Variants in LTBP1 observed in about 807,000 individuals in gnomAD.
LTBP1 encodes the protein latent-transforming growth factor beta-binding protein 1.
LTBP1 carries 129 observed loss-of-function variants against 207.6 expected under a neutral mutation model. The observed-to-expected ratio is 0.62, with a 90% CI of 0.54 to 0.72. The LOEUF (loss-of-function observed/expected upper bound fraction) is 0.72, where lower values mean the gene tolerates loss of function less well. Among genes scored for constraint, LTBP1 ranks in the 30% least tolerant of loss-of-function variants. LTBP1 has a pLI of 0.00. For synonymous variants in LTBP1, 963 were observed against 833.7 expected (o/e 1.16, Z -2.67); for missense variants, 2,281 against 2,217.2 (o/e 1.03, Z -0.58).
At chr2:32,993,205 T>A (rs1386845221) in intron 2 of LTBP1, among the ~76,000 whole-genome samples, 2 of 151,792 alleles carry the variant, frequency 1.3e-5, no homozygotes, top group Non-Finnish European at 2.9e-5. Context: ...GGGTCCTTGA[T>A]CATGTAGAGC....
intron 2 of LTBP1, among the ~76,000 whole-genome samples, chr2:32,964,839 G>A (rs912681032): frequency 6.6e-6 from 1 of 151,830 alleles, no homozygotes; most frequent in African/African-American, 2.4e-5. Flanking sequence ...TCAAGAGCTC[G>A]AGATCATCTG....
chr2:33,250,240 A>T (rs1251278177), intron 10 of LTBP1, among the ~76,000 whole-genome samples: 1 of 152,252 alleles, frequency 6.6e-6, no homozygotes, highest in Non-Finnish European at 1.5e-5. Flanking sequence ...CCTGTCAGGT[A>T]TATGTGGCAT....
intron 15 of LTBP1, among the ~76,000 whole-genome samples, chr2:33,270,826 A>C (rs2093304383): frequency 2.0e-5 from 3 of 152,204 alleles, no homozygotes; most frequent in Non-Finnish European, 4.4e-5. Flanking sequence ...AGACATGTTC[A>C]GCGTTTGCAA....
At chr2:33,369,572 T>G (rs1424548585) in intron 31 of LTBP1, among the ~76,000 whole-genome samples, 1 of 150,964 alleles carries the variant, frequency 6.6e-6, no homozygotes, top group African/African-American at 2.4e-5. Context: ...ACTTTTTTTA[T>G]TTTTTGACAG....
intron 2 of LTBP1, 123 bp downstream of exon 2, chr2:32,949,068 C>A (rs964766838): frequency 1.3e-5 from 12 of 908,844 alleles, no homozygotes; most frequent in African/African-American, 3.3e-5. Flanking sequence ...GAAATACAAT[C>A]CACCCAGGCT....
At chr2:33,019,042 G>A (rs747632424) in intron 2 of LTBP1, among the ~76,000 whole-genome samples, 2 of 152,180 alleles carry the variant, frequency 1.3e-5, no homozygotes, top group Admixed American at 6.5e-5. Flanking sequence ...AATAGGTTTT[G>A]AGGCTTTTAG....
At chr2:33,057,484 C>G (rs1043895680) in intron 3 of LTBP1, among the ~76,000 whole-genome samples, 5 of 152,220 alleles carry the variant, frequency 3.3e-5, no homozygotes, top group African/African-American at 1.2e-4. Context: ...GGGGGCAGCT[C>G]TCATCGGGGA....
intron 15 of LTBP1, among the ~76,000 whole-genome samples, chr2:33,268,080 C>T (rs2093227707): frequency 6.6e-6 from 1 of 152,110 alleles, no homozygotes; most frequent in Non-Finnish European, 1.5e-5. Flanking sequence ...TGAAAGAATC[C>T]ATAGGGGGAA....
intron 5 of LTBP1, among the ~76,000 whole-genome samples, chr2:33,184,660 A>G (rs1040666938): frequency 6.6e-6 from 1 of 151,994 alleles, no homozygotes; most frequent in Admixed American, 6.6e-5. Context: ...TGTGTTATTT[A>G]ATTTCTCCAT....
rs544988034 is a variant in LTBP1, at chr2:33,103,519, C to G, written c.864-7063C>G. On this transcript the variant is annotated intron_variant, in intron 3 of 33. Coordinates refer to ENST00000404816, the MANE Select transcript of LTBP1 (RefSeq NM_206943.4). Reference sequence around the variant, plus strand: ...ATCAGCAGCCTGTTACCTCCTAATTCTGTTTTGGTCTGATAGGTAATTCCA... The same window carrying G: ...ATCAGCAGCCTGTTACCTCCTAATTGTGTTTTGGTCTGATAGGTAATTCCA... Among the ~76,000 whole-genome samples the G allele has an allele frequency of 5.9e-5, 9 of 151,678 alleles. No individual in the cohort carries two copies. The South Asian group carries it at 1.9e-3, about 32-fold the overall frequency.
intron 19 of LTBP1, among the ~76,000 whole-genome samples, chr2:33,284,883 A>C (rs1558945938): frequency 6.6e-6 from 1 of 152,146 alleles, no homozygotes; most frequent in Non-Finnish European, 1.5e-5. Context: ...AGCAATATGA[A>C]GCACCTAGTA....
At chr2:33,089,834 C>A (rs1373124519) in intron 3 of LTBP1, among the ~76,000 whole-genome samples, 1 of 152,054 alleles carries the variant, frequency 6.6e-6, no homozygotes, top group East Asian at 1.9e-4. Context: ...AAAAAGATAA[C>A]ATTTGCTTTT....
chr2:33,240,645 CTTTTT>C (rs869193074), intron 9 of LTBP1, among the ~76,000 whole-genome samples: 5 of 100,818 alleles, frequency 5.0e-5, no homozygotes, highest in East Asian at 2.7e-4. Context: ...TGGAAACATT[CTTTTT>C]TTTTTTTTTT....
intron 3 of LTBP1, among the ~76,000 whole-genome samples, chr2:33,054,396 G>A (rs2076888574): frequency 6.6e-6 from 1 of 152,108 alleles, no homozygotes; most frequent in Non-Finnish European, 1.5e-5. Flanking sequence ...ATTTGGACTG[G>A]GCGGGCATTT....
At chr2:33,132,226 C>T (rs2081854724) in intron 4 of LTBP1, among the ~76,000 whole-genome samples, 2 of 152,066 alleles carry the variant, frequency 1.3e-5, no homozygotes, top group African/African-American at 2.4e-5. Context: ...AAGCATTTTC[C>T]GACAACTTAG....
At chr2:33,005,168 T>A (rs903391442) in intron 2 of LTBP1, among the ~76,000 whole-genome samples, 1 of 152,176 alleles carries the variant, frequency 6.6e-6, no homozygotes, top group Non-Finnish European at 1.5e-5. Flanking sequence ...TCCTGCAAGA[T>A]GACAAAATAC....
At chr2:33,297,469 T>C (rs1462895033) in intron 20 of LTBP1, among the ~76,000 whole-genome samples, 1 of 151,880 alleles carries the variant, frequency 6.6e-6, no homozygotes, top group African/African-American at 2.4e-5. Flanking sequence ...TCTCGCTTTG[T>C]CGCCCAGGCT....
intron 13 of LTBP1, 30 bp from the exon 14 acceptor site, chr2:33,262,692 C>A: frequency 9.2e-7 from 1 of 1,091,604 alleles, no homozygotes. Context: ...TTTTTTTTTT[C>A]TTATTCTCTT....
intron 2 of LTBP1, among the ~76,000 whole-genome samples, chr2:33,004,467 A>G (rs143780775): frequency 1.3e-5 from 2 of 152,158 alleles, no homozygotes; most frequent in African/African-American, 4.8e-5. Context: ...CTTAACGTAT[A>G]TAAGTCAATT....
Sources: allele counts gnomAD v4.1 joint callset (sites outside exome capture counted in the v4.1 genomes callset), GRCh38; gene constraint gnomAD v4.1.1; transcripts MANE v1.5; gene names NCBI Gene and HGNC (gene_info 2026-07-23, HGNC 2026-07-21).